ATG4A: variants seen among roughly 807,000 people sequenced by gnomAD.
ATG4A encodes autophagy related 4A cysteine peptidase, also known as cysteine protease ATG4A.
A neutral mutation model predicts 38.4 loss-of-function variants in ATG4A; 22 were observed. The ratio of observed to expected loss-of-function variants is 0.57; its 90% CI spans 0.41 to 0.82. The LOEUF is 0.82. ATG4A is among the 40% of genes least tolerant of loss of function. The pLI, the probability that ATG4A is intolerant of heterozygous loss-of-function variation, is 0.00. For missense variants in ATG4A, 220 were observed against 290.0 expected (o/e 0.76, Z 1.75); for synonymous variants, 86 against 100.7 (o/e 0.85, Z 0.88).
At chrX:108,143,079 T>C (rs182678230) in intron 9 of ATG4A, among the ~76,000 whole-genome samples, 2 of 112,411 alleles carry the variant, frequency 1.8e-5, no homozygotes, top group African/African-American at 3.2e-5. Context: ...AACTTAATAA[T>C]ACTTAAATGC....
chrX:108,096,782 C>G (rs2031837849), intron 1 of ATG4A, among the ~76,000 whole-genome samples: 1 of 110,106 alleles, frequency 9.1e-6, no homozygotes, highest in African/African-American at 3.3e-5. Flanking sequence ...TATCCTTTGA[C>G]TTTTTGAAAG....
At chrX:108,136,337 A>T (rs905664240) in intron 6 of ATG4A, among the ~76,000 whole-genome samples, 1 of 111,378 alleles carries the variant, frequency 9.0e-6, no homozygotes, top group African/African-American at 3.3e-5. Context: ...ACATGGCCTT[A>T]CTTAACTGGC....
intron 9 of ATG4A, among the ~76,000 whole-genome samples, chrX:108,138,675 G>A (rs1351351028): frequency 1.8e-5 from 2 of 111,720 alleles, no homozygotes; most frequent in African/African-American, 6.5e-5. Flanking sequence ...ATGTGGACCC[G>A]AGCAAGCAAC....
At chrX:108,133,528 AT>A (rs2033018684) in intron 4 of ATG4A, among the ~76,000 whole-genome samples, 1 of 112,482 alleles carries the variant, frequency 8.9e-6, no homozygotes, top group Non-Finnish European at 1.9e-5. Context: ...ACAGCATGCA[AT>A]TTTTTTAAGC....
intron 10 of ATG4A, among the ~76,000 whole-genome samples, chrX:108,151,180 T>C (rs944847551): frequency 3.6e-5 from 4 of 111,852 alleles, no homozygotes; most frequent in Admixed American, 9.4e-5. Context: ...GGCTGGTGTC[T>C]ACACACACTG....
intron 9 of ATG4A, among the ~76,000 whole-genome samples, chrX:108,140,613 A>C (rs1187353391): frequency 1.9e-5 from 2 of 103,955 alleles, no homozygotes; most frequent in African/African-American, 7.0e-5. Flanking sequence ...TATATAAAAT[A>C]TATATATAAA....
At chrX:108,113,824 A>G (rs1426330859) in intron 1 of ATG4A, among the ~76,000 whole-genome samples, 1 of 111,396 alleles carries the variant, frequency 9.0e-6, no homozygotes, top group East Asian at 2.8e-4. Flanking sequence ...TGATTCTATT[A>G]CCTCCCTCTG....
intron 9 of ATG4A, among the ~76,000 whole-genome samples, chrX:108,142,216 G>A (rs983296107): frequency 9.0e-6 from 1 of 111,065 alleles, no homozygotes; most frequent in African/African-American, 3.3e-5. Context: ...AGACCAGCCT[G>A]GGCAACATGG....
intron 9 of ATG4A, among the ~76,000 whole-genome samples, chrX:108,146,065 A>C (rs749284493): frequency 8.9e-6 from 1 of 111,870 alleles, no homozygotes; most frequent in South Asian, 3.8e-4. Context: ...CCCTGCTAAA[A>C]GGCCGGAGGT....
chrX:108,153,143 A>G, intron 12 of ATG4A, 56 bp downstream of exon 12: 1 of 877,452 alleles, frequency 1.1e-6, no homozygotes, highest in Non-Finnish European at 1.7e-6. Flanking sequence ...CAGTTGTTTT[A>G]TGAGAAAGAA....
intron 1 of ATG4A, among the ~76,000 whole-genome samples, chrX:108,112,181 T>C (rs1472414942): frequency 9.0e-6 from 1 of 111,628 alleles, no homozygotes; most frequent in African/African-American, 3.3e-5. Context: ...AATGTATAAT[T>C]GAATTATTAT....
chrX:108,136,214 C>T (rs998262112), intron 6 of ATG4A, among the ~76,000 whole-genome samples: 3 of 110,754 alleles, frequency 2.7e-5, no homozygotes, highest in African/African-American at 9.9e-5. Flanking sequence ...GAATGAAATA[C>T]AAGGGTGATG....
chrX:108,140,554 C>T (rs931405232), intron 9 of ATG4A, among the ~76,000 whole-genome samples: 1 of 104,759 alleles, frequency 9.5e-6, no homozygotes, highest in African/African-American at 3.4e-5. Context: ...CATATATACA[C>T]ACACACACAC....
chrX:108,151,920 G>A, intron 11 of ATG4A, 62 bp downstream of exon 11: 18 of 1,042,453 alleles, frequency 1.7e-5, no homozygotes, highest in Non-Finnish European at 2.4e-5. Context: ...TCCTTTTCAA[G>A]ATTGTTTTTC....
intron 9 of ATG4A, among the ~76,000 whole-genome samples, chrX:108,142,057 C>A (rs1402714937): frequency 9.0e-6 from 1 of 111,255 alleles, no homozygotes; most frequent in Admixed American, 9.6e-5. Context: ...GAGCTGGAGG[C>A]CATTATCCTA....
intron 4 of ATG4A, among the ~76,000 whole-genome samples, chrX:108,132,210 C>T (rs185210079): frequency 1.8e-5 from 2 of 112,085 alleles, no homozygotes; most frequent in East Asian, 5.6e-4. Flanking sequence ...GTTGTTGGAA[C>T]TCTTGAGTCT....
chrX:108,147,038 T>G (rs1428641652), intron 9 of ATG4A, among the ~76,000 whole-genome samples: 1 of 111,493 alleles, frequency 9.0e-6, no homozygotes, highest in Non-Finnish European at 1.9e-5. Context: ...CAAGCAGTTA[T>G]TTTTGAGTAT....
rs2033549622 is a variant in ATG4A at position 108,150,197 on chromosome X, T to G, written c.860T>G (p.Val287Gly). 1 of 1,210,411 alleles carries G rather than the reference T, an allele frequency of 8.3e-7. No homozygotes were observed. Among genetic ancestry groups the G allele is most frequent in the Non-Finnish European group, 1.1e-6 (1 of 895,280 alleles). Residue 287 changes from valine to glycine, a missense_variant, in exon 10 of 13, where the codon GTT (valine) becomes GGT (glycine). By Grantham distance (109) the Val-to-Gly change is moderately radical (BLOSUM62 -3). Transcript: ENST00000372232. ...FLDPHTTQTF[V>G]DTEENGTVND... The stretch of plus-strand genomic sequence containing the variant: ...GACCCTCATACAACCCAGACCTTTG[T>G]TGACACTGAAGAGAATGGAACGGTT...
intron 1 of ATG4A, among the ~76,000 whole-genome samples, chrX:108,105,396 T>C (rs780246724): frequency 9.0e-6 from 1 of 111,227 alleles, no homozygotes; most frequent in Admixed American, 9.5e-5. Context: ...TTGCTCCCTC[T>C]GTGTCTACAA....
Sources: gnomAD v4.1 joint callset for allele counts (sites outside exome capture counted in the v4.1 genomes callset) on GRCh38, gnomAD v4.1.1 for gene constraint, MANE v1.5 for transcripts, NCBI Gene and HGNC (gene_info 2026-07-23, HGNC 2026-07-21) for gene names.